The following PDE1A variants were observed in gnomAD, a reference collection of about 807,000 sequenced individuals.
PDE1A encodes dual specificity calcium/calmodulin-dependent 3',5'-cyclic nucleotide phosphodiesterase 1A.
Under a neutral mutation model 61.7 loss-of-function variants are expected in PDE1A, and 35 were observed. The observed-to-expected ratio is 0.57, with a 90% confidence interval of 0.43 to 0.75. The LOEUF (loss-of-function observed/expected upper bound fraction) is 0.75, where lower values mean the gene tolerates loss of function less well. Ranked by LOEUF, PDE1A falls within the 30% of genes least tolerant of loss-of-function variation. The pLI is 0.00. For missense variants in PDE1A, 597 were observed against 630.6 expected (o/e 0.95, Z 0.57); for synonymous variants, 232 against 213.2 (o/e 1.09, Z -0.77).
intron 1 of PDE1A, among the ~76,000 whole-genome samples, chr2:182,354,534 C>T (rs1009764768): frequency 6.6e-6 from 1 of 152,074 alleles, no homozygotes; most frequent in South Asian, 2.1e-4. Context: ...TGATTTTTCA[C>T]AGTAAGTGTC....
the PDE1A span, among the ~76,000 whole-genome samples, chr2:182,587,259 G>C: frequency 1.3e-5 from 2 of 152,106 alleles, no homozygotes; most frequent in African/African-American, 4.8e-5. Flanking sequence ...TTGCTCCTCA[G>C]GACAATGCTA....
chr2:182,200,039 A>G (rs1018354790), intron 10 of PDE1A, among the ~76,000 whole-genome samples: 7 of 152,236 alleles, frequency 4.6e-5, no homozygotes, highest in Non-Finnish European at 1.0e-4. Context: ...TGGTGTTTAT[A>G]TCTTCAGAAC....
the PDE1A span, among the ~76,000 whole-genome samples, chr2:182,540,232 T>C: frequency 6.6e-6 from 1 of 151,770 alleles, no homozygotes; most frequent in African/African-American, 2.4e-5. Context: ...GGCATGGTGG[T>C]GGGCCCCTGT....
the PDE1A span, among the ~76,000 whole-genome samples, chr2:182,694,125 T>A: frequency 2.0e-5 from 3 of 152,354 alleles, no homozygotes; most frequent in South Asian, 6.2e-4. Flanking sequence ...TATATTTATG[T>A]CGTTGATTCA....
At chr2:182,640,985 A>G in the PDE1A span, among the ~76,000 whole-genome samples, 3 of 123,160 alleles carry the variant, frequency 2.4e-5, no homozygotes, top group Non-Finnish European at 4.8e-5. Context: ...ACACTACTGC[A>G]CTCCAGCCTG....
At chr2:182,678,791 C>T in the PDE1A span, among the ~76,000 whole-genome samples, 1 of 151,988 alleles carries the variant, frequency 6.6e-6, no homozygotes, top group Non-Finnish European at 1.5e-5. Flanking sequence ...TTACCAGAGG[C>T]TGCGAAGAGG....
the PDE1A span, among the ~76,000 whole-genome samples, chr2:182,567,522 C>G: frequency 6.6e-6 from 1 of 152,196 alleles, no homozygotes; most frequent in East Asian, 1.9e-4. Context: ...AATATGTCTT[C>G]TCGTCTTCCT....
chr2:182,198,095 T>C (rs1488931820), intron 10 of PDE1A, among the ~76,000 whole-genome samples: 1 of 152,064 alleles, frequency 6.6e-6, no homozygotes. Flanking sequence ...TGGTTTGCAG[T>C]GTGGAGGTTT....
chr2:182,595,478 CTG>C, the PDE1A span, among the ~76,000 whole-genome samples: 2 of 152,204 alleles, frequency 1.3e-5, no homozygotes, highest in South Asian at 2.1e-4. Context: ...GTCACATTAA[CTG>C]TGTTTTTATA....
intron 13 of PDE1A, among the ~76,000 whole-genome samples, chr2:182,147,526 T>C (rs983023857): frequency 1.3e-5 from 2 of 152,214 alleles, no homozygotes. Context: ...TTTTTAACCA[T>C]ACATTGCTTA....
chr2:182,271,761 G>C (rs1031293749), intron 1 of PDE1A, among the ~76,000 whole-genome samples: 4 of 152,146 alleles, frequency 2.6e-5, no homozygotes, highest in Admixed American at 2.0e-4. Context: ...AAAAGAAATA[G>C]ACAAAAGGGT....
chr2:182,293,050 A>G (rs1364476559), intron 1 of PDE1A, among the ~76,000 whole-genome samples: 1 of 152,116 alleles, frequency 6.6e-6, no homozygotes, highest in Non-Finnish European at 1.5e-5. Context: ...ATGAATTTCA[A>G]CAAATGTATA....
chr2:182,149,717 A>G (rs1690678234), intron 13 of PDE1A, among the ~76,000 whole-genome samples: 1 of 152,170 alleles, frequency 6.6e-6, no homozygotes, highest in Admixed American at 6.5e-5. Flanking sequence ...TCTCCCATAA[A>G]GAGGAAACAA....
rs200858210 is a variant in PDE1A at position 182,243,891 on chromosome 2, G to GA, written c.168-3600dup. Among the ~76,000 whole-genome samples, 1,086 of 152,132 alleles carry GA rather than the reference G, an allele frequency of 7.1e-3. 10 individuals are homozygous for GA. The highest frequency in any genetic ancestry group is 0.024 in the African/African-American group (997 of 41,498). On this transcript the variant is annotated intron_variant, in intron 2 of 13. Coordinates refer to ENST00000351439, the Ensembl canonical transcript of PDE1A. ...ACTTATTATTATTATTTTTGAGATG[G>GA]AGTTTCGCTCTTGATGCCCAGGCTG...
intron 1 of PDE1A, among the ~76,000 whole-genome samples, chr2:182,373,474 G>A (rs1222518147): frequency 6.6e-6 from 1 of 152,126 alleles, no homozygotes; most frequent in Admixed American, 6.5e-5. Context: ...TAAGTGATTT[G>A]GTCATGGTGG....
At chr2:182,551,172 T>C in the PDE1A span, among the ~76,000 whole-genome samples, 9 of 151,856 alleles carry the variant, frequency 5.9e-5, no homozygotes, top group African/African-American at 2.2e-4. Flanking sequence ...ATAGCTACAA[T>C]TGGGGGGTGC....
At chr2:182,310,949 A>G (rs1308070718) in intron 1 of PDE1A, among the ~76,000 whole-genome samples, 2 of 152,210 alleles carry the variant, frequency 1.3e-5, no homozygotes, top group East Asian at 3.9e-4. Flanking sequence ...GATCTGCCAC[A>G]TAAGCGCTCT....
At chr2:182,661,536 C>T in the PDE1A span, among the ~76,000 whole-genome samples, 1 of 152,052 alleles carries the variant, frequency 6.6e-6, no homozygotes, top group Non-Finnish European at 1.5e-5. Context: ...CCCATCACTA[C>T]ACTATTTGAT....
intron 2 of PDE1A, among the ~76,000 whole-genome samples, chr2:182,434,116 A>C (rs1462586751): frequency 6.6e-6 from 1 of 152,110 alleles, no homozygotes; most frequent in Non-Finnish European, 1.5e-5. Context: ...ATAACTGAGG[A>C]AAAGATCAGA....
Sources: allele counts gnomAD v4.1 joint callset (sites outside exome capture counted in the v4.1 genomes callset), GRCh38; gene constraint gnomAD v4.1.1; transcripts MANE v1.5; gene names NCBI Gene and HGNC (gene_info 2026-07-23, HGNC 2026-07-21).